HK2: variants seen among roughly 807,000 people sequenced by gnomAD.
The protein encoded by HK2 is hexokinase 2.
In HK2, 42 loss-of-function variants were observed where a neutral mutation model predicts 92.9. The observed-to-expected ratio is 0.45, with a 90% CI of 0.35 to 0.58. The LOEUF (loss-of-function observed/expected upper bound fraction) is 0.58. HK2 is among the 20% of genes least tolerant of loss of function. The probability of loss-of-function intolerance (pLI) is 0.00; values close to 1 mark genes in which losing one functional copy is unlikely to be tolerated. For missense variants in HK2, 978 were observed against 1,245.1 expected, an observed-to-expected ratio of 0.79 and a Z score of 3.23; for synonymous variants, 422 against 468.0, an observed-to-expected ratio of 0.90 and a Z score of 1.27.
intron 3 of HK2, among the ~76,000 whole-genome samples, chr2:74,869,925 C>T (rs947073707): frequency 1.3e-5 from 2 of 152,110 alleles, no homozygotes; most frequent in Non-Finnish European, 2.9e-5. Flanking sequence ...GGCACTGACC[C>T]TGTGGCATCG....
intron 1 of HK2, among the ~76,000 whole-genome samples, chr2:74,849,463 C>T (rs1688516612): frequency 2.0e-5 from 3 of 152,230 alleles, no homozygotes; most frequent in Admixed American, 2.0e-4. Flanking sequence ...ACCCGTTCTT[C>T]AGCCAGGCTT....
rs1187569366 is a variant in HK2, at chr2:74,880,383, C to T, written c.1384C>T (p.Arg462Trp). Residue 462 changes from arginine to tryptophan, a missense_variant, in exon 10 of 18, where the codon CGG (arginine) becomes TGG (tryptophan). Around this residue, in one of 3 missense-constraint regions of HK2, gnomAD observed 742 missense variants for 922.5 expected, o/e 0.80. Coordinates refer to ENST00000290573, the MANE Select transcript of HK2 (RefSeq NM_000189.5). ...GAAMVTAVAY[R>W]LADQHRARQK... is the part of the protein sequence containing the mutation. ...AGCCATGGTGACAGCAGTGGCTTAC[C>T]GGCTGGCCGATCAACACCGTGCCCG... is the stretch of plus-strand genomic sequence containing the variant. The T allele has an allele frequency of 6.2e-6, 10 of 1,613,966 alleles. No homozygotes were observed. The highest frequency in any genetic ancestry group is 1.3e-5 in the African/African-American group (1 of 74,892).
chr2:74,856,098 A>G (rs1422972957), intron 2 of HK2, among the ~76,000 whole-genome samples: 3 of 151,966 alleles, frequency 2.0e-5, no homozygotes, highest in Non-Finnish European at 4.4e-5. Flanking sequence ...AAGGGGGACG[A>G]GATCTCCAGG....
chr2:74,888,084 A>C (rs374627374), intron 16 of HK2, 26 bp downstream of exon 16: 17 of 1,613,004 alleles, frequency 1.1e-5, no homozygotes, highest in Non-Finnish European at 1.3e-5. Context: ...TCAGGGTAGC[A>C]GGGGGGCCAT....
intron 2 of HK2, among the ~76,000 whole-genome samples, chr2:74,862,045 G>GTGA (rs1259452143): frequency 5.9e-5 from 9 of 152,304 alleles, no homozygotes; most frequent in South Asian, 4.1e-4. Flanking sequence ...GATGGTGACG[G>GTGA]TGATGATGAT....
intron 8 of HK2, among the ~76,000 whole-genome samples, chr2:74,878,295 A>G (rs1689282490): frequency 6.6e-6 from 1 of 152,212 alleles, no homozygotes; most frequent in Non-Finnish European, 1.5e-5. Flanking sequence ...CCCTAACACA[A>G]GCAGATGTAA....
chr2:74,839,824 A>AT (rs1005346376), intron 1 of HK2, among the ~76,000 whole-genome samples: 8 of 134,190 alleles, frequency 6.0e-5, no homozygotes, highest in Admixed American at 7.9e-5. Context: ...TGCCCAGCTA[A>AT]TTTTTTTTTA....
At chr2:74,887,285 TA>T (rs1427552768) in intron 15 of HK2, among the ~76,000 whole-genome samples, 1 of 152,036 alleles carries the variant, frequency 6.6e-6, no homozygotes, top group African/African-American at 2.4e-5. Flanking sequence ...CAGGCAACAT[TA>T]ATGAAGGAAG....
chr2:74,843,910 C>T (rs939347949), intron 1 of HK2, among the ~76,000 whole-genome samples: 3 of 152,208 alleles, frequency 2.0e-5, no homozygotes, highest in African/African-American at 7.2e-5. Context: ...TTCCCATCAG[C>T]TCTGTGTGTA....
intron 8 of HK2, among the ~76,000 whole-genome samples, chr2:74,877,618 C>G (rs1689266825): frequency 1.3e-5 from 2 of 152,164 alleles, no homozygotes; most frequent in African/African-American, 4.8e-5. Flanking sequence ...CAGAGGGCCC[C>G]CGAAAGACTT....
chr2:74,836,967 G>T (rs746952999), intron 1 of HK2, among the ~76,000 whole-genome samples: 3 of 152,194 alleles, frequency 2.0e-5, no homozygotes, highest in Non-Finnish European at 4.4e-5. Context: ...GAGGTCACTT[G>T]TCGTCTCCTG....
intron 1 of HK2, among the ~76,000 whole-genome samples, chr2:74,843,140 C>T (rs930314850): frequency 5.9e-5 from 9 of 152,180 alleles, no homozygotes; most frequent in African/African-American, 1.2e-4. Flanking sequence ...TTGGCCCCAC[C>T]GACCCCTGGA....
At chr2:74,853,439 C>T (rs1688617221) in intron 1 of HK2, among the ~76,000 whole-genome samples, 1 of 151,850 alleles carries the variant, frequency 6.6e-6, no homozygotes. Flanking sequence ...ATTGCTTGAA[C>T]CCGGGAGGCA....
At chr2:74,839,356 T>G (rs149859962) in intron 1 of HK2, among the ~76,000 whole-genome samples, 4 of 152,254 alleles carry the variant, frequency 2.6e-5, no homozygotes, top group African/African-American at 9.6e-5. Flanking sequence ...GGGATTAGAG[T>G]ATCAAGAGTA....
At chr2:74,856,821 A>G (rs1688706706) in intron 2 of HK2, among the ~76,000 whole-genome samples, 1 of 152,174 alleles carries the variant, frequency 6.6e-6, no homozygotes, top group Non-Finnish European at 1.5e-5. Context: ...ACTGCACGTG[A>G]TGTGTTATAT....
At chr2:74,864,651 G>C (rs1019538322) in intron 2 of HK2, among the ~76,000 whole-genome samples, 1 of 152,024 alleles carries the variant, frequency 6.6e-6, no homozygotes, top group Non-Finnish European at 1.5e-5. Flanking sequence ...GGATTACAGG[G>C]CTACGCCACC....
intron 1 of HK2, among the ~76,000 whole-genome samples, chr2:74,853,740 GA>G (rs1688626560): frequency 6.6e-6 from 1 of 150,652 alleles, no homozygotes; most frequent in Non-Finnish European, 1.5e-5. Flanking sequence ...CTAGAGGCCC[GA>G]TCATGTGGGG....
intron 1 of HK2, among the ~76,000 whole-genome samples, chr2:74,837,969 AG>A (rs1435156431): frequency 2.6e-5 from 4 of 152,020 alleles, no homozygotes. Flanking sequence ...CCACCGCACG[AG>A]GCCTGCCCTT....
At chr2:74,836,617 T>C (rs1159738856) in intron 1 of HK2, among the ~76,000 whole-genome samples, 1 of 152,216 alleles carries the variant, frequency 6.6e-6, no homozygotes, top group Non-Finnish European at 1.5e-5. Flanking sequence ...CCCTTGGGTG[T>C]ATTTCCTCTA....
Sources: allele counts gnomAD v4.1 joint callset (sites outside exome capture counted in the v4.1 genomes callset), GRCh38; gene constraint gnomAD v4.1.1; regional missense constraint gnomAD v4.1.1; transcripts MANE v1.5; gene names NCBI Gene and HGNC (gene_info 2026-07-23, HGNC 2026-07-21).